PLRG1: variants seen among roughly 807,000 people sequenced by gnomAD.
PLRG1 encodes the protein pleiotropic regulator 1.
Under a neutral mutation model 74.9 loss-of-function variants are expected in PLRG1, and 28 were observed. The ratio of observed to expected loss-of-function variants is 0.37; its 90% CI spans 0.28 to 0.51. The LOEUF is 0.51. Among genes scored for constraint, PLRG1 ranks in the 20% least tolerant of loss-of-function variants. PLRG1 has a pLI of 0.91. For missense variants in PLRG1, 445 were observed against 631.9 expected, an observed-to-expected ratio of 0.70 and a Z score of 3.17; for synonymous variants, 197 against 212.4, an observed-to-expected ratio of 0.93 and a Z score of 0.63.
At chr4:154,547,984 T>A in intron 2 of PLRG1, 131 bp from the exon 3 acceptor site, 1 of 631,702 alleles carries the variant, frequency 1.6e-6, no homozygotes, top group Non-Finnish European at 2.6e-6. Flanking sequence ...AATCAAAAAT[T>A]TCCAAGGGCA....
chr4:154,539,226 C>G lies in PLRG1; in HGVS notation c.1043-13G>C. ...GTATCATGGCTTCCTGTAATGGAAA[C>G]ACATATATCCCTCAAAACATAGACC... On this transcript the variant is annotated splice_polypyrimidine_tract_variant and intron_variant, in intron 11 of 14. Coordinates refer to ENST00000499023, the MANE Select transcript of PLRG1 (RefSeq NM_002669.4). 7.1e-7 allele frequency: 1 copy of G among 1,400,770 alleles called. No individual in the cohort carries two copies. The highest frequency in any genetic ancestry group is 1.2e-5 in the South Asian group (1 of 86,832). The allele number at this position is 1,400,770 out of a possible 1,614,324, so 86.8% of individuals were successfully genotyped here.
intron 6 of PLRG1, among the ~76,000 whole-genome samples, chr4:154,544,951 T>C (rs1264624954): frequency 6.6e-6 from 1 of 152,242 alleles, no homozygotes; most frequent in African/African-American, 2.4e-5. Context: ...AGTGCCACTG[T>C]CTTTCATTGT....
rs978138828 is a variant in PLRG1 at position 154,540,475 on chromosome 4, G to T, written c.939+119C>A. On this transcript the variant is annotated intron_variant, in intron 10 of 14. Transcript: ENST00000499023. Reference sequence around the variant, plus strand: ...TAAGAAACTTAGGGACTAGGATATTGATGACTCAAGACAGCTATCTTTAAT... The same window carrying T: ...TAAGAAACTTAGGGACTAGGATATTTATGACTCAAGACAGCTATCTTTAAT... The T allele has an allele frequency of 3.1e-5, 22 of 703,728 alleles. No homozygotes were observed. In the Middle Eastern group the frequency reaches 2.1e-3, roughly 67 times the overall value. 43.6% of individuals were successfully genotyped at this position (703,728 alleles called of 1,614,324 possible).
At chr4:154,543,013 C>T (rs1729581943) in intron 7 of PLRG1, among the ~76,000 whole-genome samples, 1 of 152,062 alleles carries the variant, frequency 6.6e-6, no homozygotes, top group Admixed American at 6.5e-5. Context: ...AGCTTGGTAG[C>T]ACAATAGAGT....
At chr4:154,545,967 A>C (rs1239306955) in intron 5 of PLRG1, 44 bp from the exon 6 acceptor site, 1 of 1,315,218 alleles carries the variant, frequency 7.6e-7, no homozygotes, top group East Asian at 2.4e-5. Context: ...TAATGCCTCC[A>C]GTCATGTATT....
intron 1 of PLRG1, among the ~76,000 whole-genome samples, chr4:154,549,479 A>C (rs1251972436): frequency 6.6e-6 from 1 of 152,210 alleles, no homozygotes; most frequent in Non-Finnish European, 1.5e-5. Context: ...AAGTTCAGTT[A>C]ACTGAAATAA....
rs769989055 is a variant in PLRG1, at chr4:154,537,294, C to T, written c.1477G>A (p.Asp493Asn). Reference sequence around the variant, plus strand: ...TGAAACACAGAACTTACGGCTGTGTCATCCTCTCTGTATACTTTAATGGTT... The same window carrying T: ...TGAAACACAGAACTTACGGCTGTGTTATCCTCTCTGTATACTTTAATGGTT... ...DKTIKVYRED[D>N]TATEETHPVS... is the part of the protein sequence containing the mutation. Residue 493 changes from aspartate (D) to asparagine (N), a missense_variant, in exon 14 of 15, where the codon GAC becomes AAC. Asp to Asn is a conservative substitution (Grantham distance 23). Coordinates refer to ENST00000499023, the MANE Select transcript of PLRG1 (RefSeq NM_002669.4). 6.2e-7 allele frequency: 1 copy of T among 1,608,192 alleles called. No individual in the cohort carries two copies. The highest frequency in any genetic ancestry group is 8.5e-7 in the Non-Finnish European group (1 of 1,175,836).
intron 5 of PLRG1, 54 bp downstream of exon 5, chr4:154,546,069 A>C: frequency 8.2e-7 from 1 of 1,219,360 alleles, no homozygotes; most frequent in Non-Finnish European, 1.2e-6. Flanking sequence ...AAAAAGAAAA[A>C]ATGTGAACAG....
chr4:154,549,109 T>C (rs1055277606), intron 1 of PLRG1, 174 bp from the exon 2 acceptor site: 19 of 600,522 alleles, frequency 3.2e-5, no homozygotes, highest in South Asian at 1.7e-4. Flanking sequence ...AGGAAGCTCC[T>C]CTTTGGCTAG....
intron 4 of PLRG1, chr4:154,546,520 T>C (rs904199447): frequency 6.0e-6 from 2 of 331,828 alleles, no homozygotes; most frequent in African/African-American, 2.2e-5. Context: ...GTTCCTCAAA[T>C]ACTAACAGAA....
chr4:154,550,364 T>C lies in PLRG1; in HGVS notation c.-56A>G. 3 of 1,557,224 alleles carry C rather than the reference T, an allele frequency of 1.9e-6. No individual in the cohort carries two copies. Among genetic ancestry groups the C allele is most frequent in the Admixed American group, 3.3e-5 (2 of 59,970 alleles). ...GAAGAAACTCTAATCACTAACGCAG[T>C]ACCCGCCGCCACAGCTGTGCAGCAC... On this transcript the variant is annotated 5_prime_UTR_variant, in exon 1 of 15. Coordinates refer to ENST00000499023, the MANE Select transcript of PLRG1 (RefSeq NM_002669.4).
intron 14 of PLRG1, 27 bp downstream of exon 14, chr4:154,537,259 T>C (rs753671557): frequency 2.0e-6 from 3 of 1,508,264 alleles, no homozygotes; most frequent in Non-Finnish European, 2.7e-6. Flanking sequence ...GCTGTTTTAC[T>C]TAACGAATGT....
intron 6 of PLRG1, among the ~76,000 whole-genome samples, chr4:154,545,219 T>C (rs986339656): frequency 6.6e-6 from 1 of 152,188 alleles, no homozygotes; most frequent in South Asian, 2.1e-4. Flanking sequence ...GGAAAGGAGA[T>C]GTGGCAGTTA....
chr4:154,546,971 A>T, intron 4 of PLRG1, 40 bp downstream of exon 4: 1 of 1,402,402 alleles, frequency 7.1e-7, no homozygotes, highest in Non-Finnish European at 1.0e-6. Flanking sequence ...AATATATGTG[A>T]CATTTTTAAG....
At chr4:154,546,554 T>G in intron 4 of PLRG1, 1 of 300,448 alleles carries the variant, frequency 3.3e-6, no homozygotes, top group Non-Finnish European at 6.2e-6. Context: ...GGATGTAACT[T>G]ACTAAAACTA....
At chr4:154,543,658 G>GT (rs1729595428) in intron 7 of PLRG1, among the ~76,000 whole-genome samples, 1 of 152,126 alleles carries the variant, frequency 6.6e-6, no homozygotes, top group Non-Finnish European at 1.5e-5. Context: ...TTGAGGTGGT[G>GT]TAACATCTAT....
intron 1 of PLRG1, 149 bp downstream of exon 1, chr4:154,550,151 C>G: frequency 1.3e-6 from 1 of 760,824 alleles, no homozygotes; most frequent in Non-Finnish European, 2.3e-6. Context: ...CCCGAAAACC[C>G]GAAGAAGAGA....
intron 1 of PLRG1, 145 bp downstream of exon 1, chr4:154,550,155 G>A: frequency 6.4e-6 from 5 of 779,102 alleles, no homozygotes; most frequent in Non-Finnish European, 9.0e-6. Context: ...AAAACCCGAA[G>A]AAGAGACCAC....
Position 154,537,304 on chromosome 4 carries a change from G to A in PLRG1, c.1467C>T (p.Tyr489=). The A allele has an allele frequency of 4.3e-6, 7 of 1,611,820 alleles. No individual in the cohort carries two copies. The highest frequency in any genetic ancestry group is 5.1e-6 in the Non-Finnish European group (6 of 1,178,380). The change falls in exon 14 of 15, where the codon TAC becomes TAT. Residue 489 remains tyrosine (Y), a synonymous_variant. Coordinates refer to ENST00000499023, the MANE Select transcript of PLRG1 (RefSeq NM_002669.4). ...AACTTACGGCTGTGTCATCCTCTCT[G>A]TATACTTTAATGGTTTTATCAGCTT... ...TAEADKTIKV[Y]REDDTATEET...
Sources: allele counts gnomAD v4.1 joint callset (sites outside exome capture counted in the v4.1 genomes callset), GRCh38; gene constraint gnomAD v4.1.1; transcripts MANE v1.5; gene names NCBI Gene and HGNC (gene_info 2026-07-23, HGNC 2026-07-21).